The following ATAD2 variants were observed in gnomAD, a reference collection of about 807,000 sequenced individuals.
ATAD2 encodes ATPase family AAA domain-containing protein 2.
In ATAD2, 62 loss-of-function variants were observed where a neutral mutation model predicts 168.9. That is an observed-to-expected ratio of 0.37 (90% confidence interval 0.30 to 0.45). The LOEUF (loss-of-function observed/expected upper bound fraction) is 0.45, where lower values mean the gene tolerates loss of function less well. Ranked by LOEUF, ATAD2 falls within the 20% of genes least tolerant of loss-of-function variation. ATAD2 has a pLI of 1.00. For synonymous variants in ATAD2, 613 were observed against 571.6 expected, an observed-to-expected ratio of 1.07 and a Z score of -1.03; for missense variants, 1,419 against 1,667.8, an observed-to-expected ratio of 0.85 and a Z score of 2.60.
At chr8:123,344,070 G>A (rs1791337345) in intron 19 of ATAD2, among the ~76,000 whole-genome samples, 1 of 152,044 alleles carries the variant, frequency 6.6e-6, no homozygotes, top group East Asian at 1.9e-4. Flanking sequence ...TCCACTTCTA[G>A]GAATCAAAAC....
At chr8:123,332,611 A>C (rs1827803885) in intron 24 of ATAD2, among the ~76,000 whole-genome samples, 1 of 152,216 alleles carries the variant, frequency 6.6e-6, no homozygotes, top group South Asian at 2.1e-4. Context: ...GTTGACGTTT[A>C]AGGATTCTCA....
intron 13 of ATAD2, chr8:123,352,727 A>G (rs1450211754): frequency 6.7e-6 from 1 of 149,988 alleles, no homozygotes; most frequent in East Asian, 1.9e-4. Flanking sequence ...AAAAAAAAAA[A>G]CAACAAAAAC....
rs1563841952 is a variant in ATAD2, at chr8:123,346,659, A to C, written c.2304T>G (p.Ser768=). ...AATTAAAATTGTCTTTTGCCTTATGAGAAGATTTCTGAGAAAGTCCATTTT... is the reference window on the plus strand; with the variant it reads ...AATTAAAATTGTCTTTTGCCTTATGCGAAGATTTCTGAGAAAGTCCATTTT... The part of the protein sequence containing the change: ...VYENGLSQKS[S]HKAKDNFNFL... Residue 768 remains serine, a synonymous_variant, in exon 17 of 28, where the codon TCT becomes TCG. Transcript: ENST00000287394. 1.9e-6 allele frequency: 3 copies of C among 1,584,804 alleles called. No homozygotes were observed. The highest frequency in any genetic ancestry group is 2.7e-5 in the African/African-American group (2 of 73,872).
In ATAD2 at chr8:123,351,969, C is replaced by T. The variant is rs1183535029; in HGVS notation, c.1647-2525G>A. On this transcript the variant is annotated intron_variant, in intron 13 of 27. Coordinates refer to ENST00000287394, the MANE Select transcript of ATAD2 (RefSeq NM_014109.4). ...TTCACCGTGTTAGCCAGGATGGTCT[C>T]GATCTCCTGACCTCGTGATCCACCC... 7.9e-5 allele frequency among the ~76,000 whole-genome samples: 12 copies of T among 152,170 alleles called. No homozygotes were observed. The South Asian group carries it at 1.9e-3, about 24-fold the overall frequency.
chr8:123,408,913 C>G (rs543550461), intron 1 of ATAD2, among the ~76,000 whole-genome samples: 1 of 151,990 alleles, frequency 6.6e-6, no homozygotes, highest in African/African-American at 2.4e-5. Context: ...CTGCAACCTC[C>G]GCCTCCCAAG....
In ATAD2 at chr8:123,396,203, G is replaced by A; in HGVS notation, c.155C>T (p.Thr52Ile). 6.3e-7 allele frequency: 1 copy of A among 1,582,274 alleles called. No individual in the cohort carries two copies. The highest frequency in any genetic ancestry group is 8.6e-7 in the Non-Finnish European group (1 of 1,169,230). The part of the protein sequence containing the change: ...AGAAQKKPAA[T>I]TAKAGDGSSV... ...CGTACTCACGCCCGCTTTGGCTGTGGTCGCCGCGGGTTTCTTCTGCGCCGC... is the reference window on the plus strand; with the variant it reads ...CGTACTCACGCCCGCTTTGGCTGTGATCGCCGCGGGTTTCTTCTGCGCCGC... The change falls in exon 1 of 28, where the codon ACC (threonine) becomes ATC (isoleucine). Residue 52 changes from threonine to isoleucine, a missense_variant. Transcript: ENST00000287394.
At chr8:123,405,660 G>A (rs1813058608) in intron 1 of ATAD2, among the ~76,000 whole-genome samples, 1 of 152,194 alleles carries the variant, frequency 6.6e-6, no homozygotes, top group Non-Finnish European at 1.5e-5. Context: ...GTAGCATACT[G>A]TACACTCTGT....
At chr8:123,375,008 G>GT (rs1309108854) in intron 2 of ATAD2, among the ~76,000 whole-genome samples, 1 of 151,612 alleles carries the variant, frequency 6.6e-6, no homozygotes, top group Non-Finnish European at 1.5e-5. Context: ...AAAACAAAGA[G>GT]TAAAAAAAAG....
intron 1 of ATAD2, among the ~76,000 whole-genome samples, chr8:123,406,970 T>A (rs1044493462): frequency 2.0e-5 from 3 of 152,234 alleles, no homozygotes; most frequent in South Asian, 4.1e-4. Context: ...AATCTCGACA[T>A]GAGATTATTC....
chr8:123,404,784 C>T (rs1385944740), intron 1 of ATAD2, among the ~76,000 whole-genome samples: 1 of 152,158 alleles, frequency 6.6e-6, no homozygotes, highest in East Asian at 1.9e-4. Context: ...TCATGATCCA[C>T]CCACCTCGGC....
chr8:123,337,474 T>C, intron 21 of ATAD2, 151 bp downstream of exon 21: 1 of 612,002 alleles, frequency 1.6e-6, no homozygotes, highest in South Asian at 4.2e-5. Flanking sequence ...TCTTAAAGTC[T>C]ACATGTGCTT....
At chr8:123,382,478 T>C (rs1247645665) in intron 1 of ATAD2, among the ~76,000 whole-genome samples, 8 of 152,236 alleles carry the variant, frequency 5.3e-5, no homozygotes, top group Non-Finnish European at 1.0e-4. Flanking sequence ...TAGATCAGTG[T>C]AGTGTATAAG....
chr8:123,328,719 T>C (rs866024568), intron 24 of ATAD2, 140 bp from the exon 25 acceptor site: 16 of 886,432 alleles, frequency 1.8e-5, no homozygotes, highest in Middle Eastern at 7.0e-4. Flanking sequence ...GAAACAAGAA[T>C]AGAGCATACT....
At chr8:123,376,029 T>C (rs1829298794) in intron 2 of ATAD2, among the ~76,000 whole-genome samples, 1 of 148,700 alleles carries the variant, frequency 6.7e-6, no homozygotes. Context: ...TGCTTGAACC[T>C]GGGAGGCGAA....
chr8:123,363,409 T>G (rs1199174304), intron 8 of ATAD2, among the ~76,000 whole-genome samples: 1 of 152,204 alleles, frequency 6.6e-6, no homozygotes, highest in East Asian at 1.9e-4. Context: ...CTACATATGT[T>G]GTGTGTTATC....
rs759060420 is a variant in ATAD2, at chr8:123,339,461, T to C, written c.2719-15A>G. 3 of 1,554,246 alleles carry C rather than the reference T, an allele frequency of 1.9e-6. No individual in the cohort carries two copies. Among genetic ancestry groups the C allele is most frequent in the Non-Finnish European group, 2.6e-6 (3 of 1,143,890 alleles). On this transcript the variant is annotated splice_polypyrimidine_tract_variant and intron_variant, in intron 19 of 27. Coordinates refer to ENST00000287394, the MANE Select transcript of ATAD2 (RefSeq NM_014109.4). ...AATTCTTGCACCTTAAAAAAGAAAA[T>C]AAATGCAATATATATCATATATACA...
intron 1 of ATAD2, among the ~76,000 whole-genome samples, chr8:123,404,712 G>A (rs1482978708): frequency 4.6e-5 from 7 of 151,652 alleles, no homozygotes; most frequent in African/African-American, 9.7e-5. Flanking sequence ...GATTACAGGC[G>A]CCCGCCACCA....
In ATAD2 at chr8:123,360,840, TG is replaced by T. The variant is rs1414032167; in HGVS notation, c.1157+698del. 3.3e-5 allele frequency among the ~76,000 whole-genome samples: 5 copies of T among 151,920 alleles called. No individual in the cohort carries two copies. The South Asian group carries it at 8.3e-4, about 25-fold the overall frequency. On this transcript the variant is annotated intron_variant, in intron 9 of 27. Transcript: ENST00000287394. Reference sequence around the variant, plus strand: ...TATTTATTGGGAAAATCAAATAAGCTGGTTAGTATACATGGACTTACACTAC... The same window carrying T: ...TATTTATTGGGAAAATCAAATAAGCTGTTAGTATACATGGACTTACACTAC...
At chr8:123,396,492 A>G (rs1812841828), upstream of ATAD2, 2 of 907,140 alleles carry the variant, frequency 2.2e-6, no homozygotes, top group African/African-American at 3.5e-5. Context: ...GCGCGCCCAG[A>G]ATCCCTCCGC....
Sources: gnomAD v4.1 joint callset for allele counts (sites outside exome capture counted in the v4.1 genomes callset) on GRCh38, gnomAD v4.1.1 for gene constraint, MANE v1.5 for transcripts, NCBI Gene and HGNC (gene_info 2026-07-23, HGNC 2026-07-21) for gene names.